RUNDC3B: variants seen among roughly 807,000 people sequenced by gnomAD.
RUNDC3B encodes the protein RUN domain-containing protein 3B.
RUNDC3B carries 33 observed loss-of-function variants against 58.4 expected under a neutral mutation model. The ratio of observed to expected loss-of-function variants is 0.56; its 90% CI spans 0.43 to 0.75. RUNDC3B has a LOEUF of 0.75. RUNDC3B is among the 30% of genes least tolerant of loss of function. RUNDC3B has a pLI of 0.00. For missense variants in RUNDC3B, 501 were observed against 535.7 expected (o/e 0.94, Z 0.64); for synonymous variants, 193 against 195.2 (o/e 0.99, Z 0.10).
In RUNDC3B at chr7:87,628,744, C is replaced by T. The variant is rs899641996; in HGVS notation, c.-80C>T. On this transcript the variant is annotated 5_prime_UTR_variant, in exon 1 of 11. Transcript: ENST00000394654. ...CTTCCCGCGCCCCCACGGTTGCGGA[C>T]CGAGCGAGAACCCCCTTAAGCAGGT... The T allele has an allele frequency of 4.4e-6, 4 of 900,124 alleles. No homozygotes were observed. Among genetic ancestry groups the T allele is most frequent in the Non-Finnish European group, 5.9e-6 (4 of 674,808 alleles). The allele number at this position is 900,124 out of a possible 1,614,324, so 55.8% of individuals were successfully genotyped here.
At chr7:87,803,196 G>C (rs1227916247) in intron 8 of RUNDC3B, among the ~76,000 whole-genome samples, 1 of 152,104 alleles carries the variant, frequency 6.6e-6, no homozygotes, top group East Asian at 1.9e-4. Context: ...AGAAGGACTT[G>C]CTTAAGATGT....
At chr7:87,802,247 GC>G (rs1718550288) in intron 8 of RUNDC3B, among the ~76,000 whole-genome samples, 1 of 151,932 alleles carries the variant, frequency 6.6e-6, no homozygotes, top group Non-Finnish European at 1.5e-5. Context: ...GCAAAACTTA[GC>G]TGGTCATGGT....
intron 4 of RUNDC3B, among the ~76,000 whole-genome samples, chr7:87,715,489 A>G (rs1415282622): frequency 1.5e-5 from 2 of 132,388 alleles, no homozygotes; most frequent in African/African-American, 2.9e-5. Context: ...TATAAATAAT[A>G]CATATAATTA....
At position 87,722,912 on chromosome 7, in the gene RUNDC3B, A is replaced by T. The variant is rs186856306; in HGVS notation, c.458+12257A>T. ...ACTGAGTCCAAGTGCAATTTCACCA[A>T]CCTCTCTTCCTCAGGCACCACAAAC... On this transcript the variant is annotated intron_variant, in intron 4 of 10. Transcript: ENST00000394654. 1.6e-4 allele frequency among the ~76,000 whole-genome samples: 24 copies of T among 152,194 alleles called. No individual in the cohort carries two copies. The East Asian group carries it at 4.4e-3, about 28-fold the overall frequency.
intron 2 of RUNDC3B, among the ~76,000 whole-genome samples, chr7:87,665,025 C>T (rs562617893): frequency 6.6e-6 from 1 of 152,250 alleles, no homozygotes; most frequent in East Asian, 1.9e-4. Flanking sequence ...TGAAAGCTCT[C>T]TAAGATCAAG....
At chr7:87,736,243 C>T (rs1320126393) in intron 4 of RUNDC3B, among the ~76,000 whole-genome samples, 1 of 152,036 alleles carries the variant, frequency 6.6e-6, no homozygotes, top group Non-Finnish European at 1.5e-5. Context: ...ATTGTGCTTT[C>T]AAATATGTAG....
chr7:87,700,129 G>A (rs1388860435), intron 2 of RUNDC3B, among the ~76,000 whole-genome samples: 1 of 152,036 alleles, frequency 6.6e-6, no homozygotes, highest in South Asian at 2.1e-4. Context: ...CAAATAGGAT[G>A]TTAAATGGCA....
chr7:87,732,341 A>G (rs1445644303), intron 4 of RUNDC3B, among the ~76,000 whole-genome samples: 1 of 152,224 alleles, frequency 6.6e-6, no homozygotes, highest in Non-Finnish European at 1.5e-5. Flanking sequence ...TATATCTTAA[A>G]GAACTAGAAA....
At chr7:87,740,930 C>T (rs886788800) in intron 5 of RUNDC3B, among the ~76,000 whole-genome samples, 4 of 152,086 alleles carry the variant, frequency 2.6e-5, no homozygotes, top group Admixed American at 6.6e-5. Flanking sequence ...CAAGGCCAGG[C>T]GCGGTGGCTT....
At chr7:87,810,884 TACTTTA>T (rs1189827780) in intron 9 of RUNDC3B, among the ~76,000 whole-genome samples, 1 of 152,144 alleles carries the variant, frequency 6.6e-6, no homozygotes, top group Non-Finnish European at 1.5e-5. Flanking sequence ...AAGCCTGTAA[TACTTTA>T]ACTTTAAAAG....
intron 8 of RUNDC3B, among the ~76,000 whole-genome samples, chr7:87,804,563 A>C (rs1836342150): frequency 6.6e-6 from 1 of 152,204 alleles, no homozygotes; most frequent in African/African-American, 2.4e-5. Context: ...GGAAGTTCTG[A>C]AAATTAGCTG....
intron 8 of RUNDC3B, among the ~76,000 whole-genome samples, chr7:87,801,926 A>G (rs1040075199): frequency 1.3e-5 from 2 of 152,258 alleles, no homozygotes; most frequent in Non-Finnish European, 2.9e-5. Context: ...TGAAAGAGAC[A>G]GTAAATAACT....
intron 10 of RUNDC3B, among the ~76,000 whole-genome samples, chr7:87,827,944 G>C (rs1258122684): frequency 1.3e-5 from 2 of 152,120 alleles, no homozygotes; most frequent in African/African-American, 4.8e-5. Flanking sequence ...TTTGAGCCCA[G>C]GAGTTCCTGA....
intron 4 of RUNDC3B, among the ~76,000 whole-genome samples, chr7:87,714,037 T>G (rs1830323408): frequency 6.6e-6 from 1 of 152,184 alleles, no homozygotes; most frequent in South Asian, 2.1e-4. Context: ...ATGACTGAGC[T>G]GTCACAGAGA....
rs561797546 is a variant in RUNDC3B at position 87,818,923 on chromosome 7, AAAC to A, written c.1225+2675_1225+2677del. Among the ~76,000 whole-genome samples, 275 of 152,268 alleles carry A rather than the reference AAAC, an allele frequency of 1.8e-3. 1 individual carries two copies. Among genetic ancestry groups the A allele is most frequent in the South Asian group, 2.7e-3 (13 of 4,810 alleles). On this transcript the variant is annotated intron_variant, in intron 10 of 10. Coordinates refer to ENST00000394654, the MANE Select transcript of RUNDC3B (RefSeq NM_001134405.2). Reference sequence around the variant, plus strand: ...AGCCATACAGTAAAAACAAACAAACAAACAACAACAACAACAGCATACTTTGGC... The same window carrying A: ...AGCCATACAGTAAAAACAAACAAACAAACAACAACAACAGCATACTTTGGC...
chr7:87,784,441 G>T (rs1835098011), intron 8 of RUNDC3B, among the ~76,000 whole-genome samples: 1 of 151,940 alleles, frequency 6.6e-6, no homozygotes, highest in Non-Finnish European at 1.5e-5. Flanking sequence ...TGTGTATGTT[G>T]TGTATAGTTG....
At chr7:87,789,232 A>G (rs983974985) in intron 8 of RUNDC3B, among the ~76,000 whole-genome samples, 1 of 152,238 alleles carries the variant, frequency 6.6e-6, no homozygotes, top group Non-Finnish European at 1.5e-5. Flanking sequence ...TTAGCTGATG[A>G]ATGTTTTTTC....
At chr7:87,786,561 A>G (rs1835230925) in intron 8 of RUNDC3B, among the ~76,000 whole-genome samples, 1 of 152,062 alleles carries the variant, frequency 6.6e-6, no homozygotes, top group African/African-American at 2.4e-5. Flanking sequence ...TCTGGTTATT[A>G]AAAACCAGAT....
chr7:87,741,319 T>G (rs1832313334), intron 5 of RUNDC3B, among the ~76,000 whole-genome samples, 180 bp from the exon 6 acceptor site: 1 of 152,154 alleles, frequency 6.6e-6, no homozygotes, highest in South Asian at 2.1e-4. Flanking sequence ...TCATTGGTAT[T>G]GAAGGTAGAA....
Sources: allele counts gnomAD v4.1 joint callset (sites outside exome capture counted in the v4.1 genomes callset), GRCh38; gene constraint gnomAD v4.1.1; transcripts MANE v1.5; gene names NCBI Gene and HGNC (gene_info 2026-07-23, HGNC 2026-07-21).